The following WASHC4 variants were observed in gnomAD, a reference collection of about 807,000 sequenced individuals.
WASHC4 encodes WASH complex subunit 4, also known as WASH complex subunit 7.
A neutral mutation model predicts 166.6 loss-of-function variants in WASHC4; 86 were observed. The ratio of observed to expected loss-of-function variants is 0.52; its 90% CI spans 0.43 to 0.62. The LOEUF is 0.62. Among genes scored for constraint, WASHC4 ranks in the 20% least tolerant of loss-of-function variants. The pLI is 0.00. For missense variants in WASHC4, 1,262 were observed against 1,382.4 expected, an observed-to-expected ratio of 0.91 and a Z score of 1.38; for synonymous variants, 446 against 451.6, an observed-to-expected ratio of 0.99 and a Z score of 0.16.
At chr12:105,121,002 A>G in intron 8 of WASHC4, 99 bp from the exon 9 acceptor site, 1 of 777,538 alleles carries the variant, frequency 1.3e-6, no homozygotes, top group Non-Finnish European at 2.3e-6. Context: ...TACTTTTACT[A>G]ATTCAGTAAT....
chr12:105,143,324 A>G, intron 20 of WASHC4, 81 bp downstream of exon 20: 1 of 783,846 alleles, frequency 1.3e-6, no homozygotes, highest in Non-Finnish European at 2.2e-6. Flanking sequence ...ATTGAAGCAG[A>G]CTCACTGAGT....
rs1313553224 is a variant in WASHC4 at position 105,133,874 on chromosome 12, A to G, written c.1304A>G (p.Asn435Ser). 7 of 1,612,212 alleles carry G rather than the reference A, an allele frequency of 4.3e-6. No individual in the cohort carries two copies. Among genetic ancestry groups the G allele is most frequent in the East Asian group, 2.2e-5 (1 of 44,706 alleles). ...RMDKFAEDLTNRCNVFIQGFL... is the reference protein window; with the variant it reads ...RMDKFAEDLTSRCNVFIQGFL... ...GATAAATTTGCTGAAGATCTCACCA[A>G]TAGATGTAATGTTTTTATACAGGTA... The change falls in exon 14 of 33, where the codon AAT becomes AGT. Residue 435 changes from asparagine (N) to serine (S), a missense_variant. Physicochemically the swap from Asn to Ser is conservative, Grantham distance 46. Coordinates refer to ENST00000332180, the MANE Select transcript of WASHC4 (RefSeq NM_015275.3).
rs1883308739 is a variant in WASHC4 at position 105,146,508 on chromosome 12, C to G, written c.2391C>G (p.Leu797=). The G allele has an allele frequency of 6.3e-7, 1 of 1,598,526 alleles. No homozygotes were observed. The highest frequency in any genetic ancestry group is 8.6e-7 in the Non-Finnish European group (1 of 1,167,862). ...RNIHIFVSRY[L]YNLNNQIFIE... ...TTCATATATTTGTGTCCCGATACCT[C>G]TATAATCTCAACAATCAGGTGAGTA... Residue 797 remains leucine (L), a synonymous_variant, in exon 23 of 33, where the codon CTC becomes CTG. Coordinates refer to ENST00000332180, the MANE Select transcript of WASHC4 (RefSeq NM_015275.3).
intron 24 of WASHC4, chr12:105,149,055 A>C (rs1883530777): frequency 1.0e-6 from 1 of 980,240 alleles, no homozygotes; most frequent in Admixed American, 6.1e-5. Flanking sequence ...AATGTTTGTC[A>C]CCTGTTCTAG....
rs758674537 is a variant in WASHC4 at position 105,118,534 on chromosome 12, G to A, written c.518+6G>A. The A allele has an allele frequency of 3.2e-6, 5 of 1,559,260 alleles. No homozygotes were observed. In the South Asian group the frequency reaches 5.6e-5, roughly 17 times the overall value. ...GCCCTCTATATCAGTAACAAGTAAT[G>A]GATTTTAGAAATATTTTTGCTTTTA... is the stretch of plus-strand genomic sequence containing the variant. On this transcript the variant is annotated splice_donor_region_variant and intron_variant, in intron 7 of 32. Coordinates refer to ENST00000332180, the MANE Select transcript of WASHC4 (RefSeq NM_015275.3).
intron 28 of WASHC4, among the ~76,000 whole-genome samples, chr12:105,157,529 C>T (rs1207565004): frequency 1.3e-5 from 2 of 152,204 alleles, no homozygotes. Context: ...CCACTAGCCA[C>T]ACATGGCTCT....
At chr12:105,129,910 G>A (rs1592868054) in intron 13 of WASHC4, among the ~76,000 whole-genome samples, 1 of 152,224 alleles carries the variant, frequency 6.6e-6, no homozygotes, top group African/African-American at 2.4e-5. Context: ...CATAAAGCAT[G>A]TAACAGCCTT....
rs1884840806 is a variant in WASHC4 at position 105,166,849 on chromosome 12, C to T, written c.3455-15C>T. The T allele has an allele frequency of 1.9e-6, 3 of 1,553,722 alleles. No homozygotes were observed. Among genetic ancestry groups the T allele is most frequent in the South Asian group, 2.2e-5 (2 of 89,960 alleles). ...GAACATAAATATCCATTATTATTTT[C>T]ACTCATGCTTTCAGAAGAAACTAAA... On this transcript the variant is annotated splice_polypyrimidine_tract_variant and intron_variant, in intron 32 of 32. Coordinates refer to ENST00000332180, the MANE Select transcript of WASHC4 (RefSeq NM_015275.3).
chr12:105,127,471 TAAAGTCAATTTA>T (rs1881393503), intron 13 of WASHC4, among the ~76,000 whole-genome samples, 182 bp downstream of exon 13: 1 of 152,184 alleles, frequency 6.6e-6, no homozygotes, highest in South Asian at 2.1e-4. Context: ...ATTTTACACT[TAAAGTCAATTTA>T]AGATGTAGAC....
In WASHC4 at chr12:105,159,998, T is replaced by G. The variant is rs770643318; in HGVS notation, c.2913-3T>G. On this transcript the variant is annotated splice_region_variant and splice_polypyrimidine_tract_variant and intron_variant, in intron 28 of 32. Coordinates refer to ENST00000332180, the MANE Select transcript of WASHC4 (RefSeq NM_015275.3). ...AGGAACCAAATAATTTTTTGCTTTT[T>G]AGGCATTTGGATTCAGTCCTCAGTG... The G allele has an allele frequency of 6.2e-7, 1 of 1,613,934 alleles. No homozygotes were observed. Among genetic ancestry groups the G allele is most frequent in the Non-Finnish European group, 8.5e-7 (1 of 1,179,878 alleles).
intron 26 of WASHC4, 61 bp downstream of exon 26, chr12:105,152,512 TTAAC>T: frequency 1.1e-6 from 1 of 934,162 alleles, no homozygotes; most frequent in South Asian, 1.3e-5. Context: ...ATCTCATATA[TTAAC>T]TATTTCACAC....
At chr12:105,125,072 A>C (rs1226014196) in intron 10 of WASHC4, among the ~76,000 whole-genome samples, 3 of 152,184 alleles carry the variant, frequency 2.0e-5, no homozygotes, top group Admixed American at 6.5e-5. Context: ...AGCAGGTTCC[A>C]CTCGAAATTG....
At chr12:105,165,540 A>T (rs1592927054) in intron 32 of WASHC4, among the ~76,000 whole-genome samples, 1 of 152,190 alleles carries the variant, frequency 6.6e-6, no homozygotes, top group East Asian at 1.9e-4. Flanking sequence ...CATGTTTACT[A>T]GTCTCCTTTT....
intron 9 of WASHC4, among the ~76,000 whole-genome samples, chr12:105,121,720 A>G (rs1002260274): frequency 1.3e-5 from 2 of 152,094 alleles, no homozygotes; most frequent in African/African-American, 4.8e-5. Flanking sequence ...GTTGGCCAGG[A>G]TGGTCTCCAT....
At chr12:105,152,135 T>C (rs577530260) in intron 25 of WASHC4, among the ~76,000 whole-genome samples, 2 of 152,288 alleles carry the variant, frequency 1.3e-5, no homozygotes, top group South Asian at 2.1e-4. Context: ...TTAGTGGCAT[T>C]GATTATTAGT....
chr12:105,159,249 T>A (rs2135837251), intron 28 of WASHC4, among the ~76,000 whole-genome samples: 1 of 152,318 alleles, frequency 6.6e-6, no homozygotes, highest in Middle Eastern at 3.4e-3. Flanking sequence ...TAGGATATTG[T>A]CTTCTAAGAT....
chr12:105,154,661 T>A (rs564606208), intron 26 of WASHC4, among the ~76,000 whole-genome samples: 1 of 152,232 alleles, frequency 6.6e-6, no homozygotes, highest in Non-Finnish European at 1.5e-5. Context: ...TCTGTCCTTA[T>A]TGAGCTTAAT....
chr12:105,118,353 T>G, intron 6 of WASHC4, 93 bp from the exon 7 acceptor site: 1 of 915,214 alleles, frequency 1.1e-6, no homozygotes, highest in Non-Finnish European at 1.8e-6. Context: ...GAAAACTGTT[T>G]TGTTTTTGTT....
chr12:105,167,325 T>C lies in WASHC4; in HGVS notation c.*394T>C, dbSNP rs541401262. 1 of 191,964 alleles carries C rather than the reference T, an allele frequency of 5.2e-6. No homozygotes were observed. Among genetic ancestry groups the C allele is most frequent in the South Asian group, 9.6e-5 (1 of 10,386 alleles). The allele number at this position is 191,964 out of a possible 1,614,324, so 11.9% of individuals were successfully genotyped here. A position where few individuals can be genotyped will look rare whatever the true frequency, so the allele number is the denominator to read the frequency against. ...TGGGAAATTCAATGCATATACTATA[T>C]ACAGCCAGTAAATACATGCTTAACA... On this transcript the variant is annotated 3_prime_UTR_variant, in exon 33 of 33. Transcript: ENST00000332180.
Sources: gnomAD v4.1 joint callset for allele counts (sites outside exome capture counted in the v4.1 genomes callset) on GRCh38, gnomAD v4.1.1 for gene constraint, MANE v1.5 for transcripts, NCBI Gene and HGNC (gene_info 2026-07-23, HGNC 2026-07-21) for gene names.